The following TSHZ2 variants were observed in gnomAD, a reference collection of about 807,000 sequenced individuals.
TSHZ2 encodes the protein teashirt homolog 2.
TSHZ2 carries 21 observed loss-of-function variants against 74.4 expected under a neutral mutation model. The observed-to-expected ratio is 0.28, with a 90% CI of 0.20 to 0.41. The LOEUF (loss-of-function observed/expected upper bound fraction) is 0.41, where lower values mean the gene tolerates loss of function less well. Among genes scored for constraint, TSHZ2 ranks in the 10% least tolerant of loss-of-function variants. The pLI, the probability that TSHZ2 is intolerant of heterozygous loss-of-function variation, is 1.00. For synonymous variants in TSHZ2, 540 were observed against 515.3 expected (o/e 1.05, Z -0.65); for missense variants, 1,244 against 1,293.5 (o/e 0.96, Z 0.59).
At chr20:53,130,665 G>C (rs988774243) in intron 1 of TSHZ2, among the ~76,000 whole-genome samples, 1 of 152,050 alleles carries the variant, frequency 6.6e-6, no homozygotes, top group Non-Finnish European at 1.5e-5. Flanking sequence ...AAAGTAACAG[G>C]GTCGACTGAT....
chr20:53,188,750 A>G (rs1988662614), intron 1 of TSHZ2, among the ~76,000 whole-genome samples: 1 of 152,242 alleles, frequency 6.6e-6, no homozygotes, highest in African/African-American at 2.4e-5. Flanking sequence ...AATTCAGTAT[A>G]CCTATGAACC....
chr20:53,452,620 C>G (rs1364452501), intron 2 of TSHZ2, among the ~76,000 whole-genome samples: 1 of 146,396 alleles, frequency 6.8e-6, no homozygotes, highest in South Asian at 2.2e-4. Context: ...AAAAAAGGAA[C>G]TAGAACAAAT....
intron 1 of TSHZ2, among the ~76,000 whole-genome samples, chr20:53,026,864 G>A (rs376511189): frequency 2.4e-3 from 362 of 152,200 alleles, no homozygotes; most frequent in Non-Finnish European, 4.1e-3. Context: ...CAGGCTGGGC[G>A]TAGTGGCTCA....
chr20:53,488,459 G>T lies in TSHZ2; in HGVS notation c.*1324G>T, dbSNP rs924512079. 2 of 154,956 alleles carry T rather than the reference G, an allele frequency of 1.3e-5. No individual in the cohort carries two copies. The highest frequency in any genetic ancestry group is 4.8e-5 in the African/African-American group (2 of 41,464). The allele number at this position is 154,956 out of a possible 1,614,324, so 9.6% of individuals were successfully genotyped here. On this transcript the variant is annotated 3_prime_UTR_variant, in exon 3 of 3. Transcript: ENST00000371497. The stretch of plus-strand genomic sequence containing the variant: ...CATACCTAGTGCACAGTTTGGAGAC[G>T]CAAGGATAGATCTGTTTACTCTAGT...
intron 1 of TSHZ2, among the ~76,000 whole-genome samples, chr20:52,977,817 C>T (rs1487123662): frequency 7.2e-5 from 11 of 152,196 alleles, no homozygotes; most frequent in Non-Finnish European, 1.2e-4. Flanking sequence ...AGTGGAAACT[C>T]TGTAAGGGAG....
At position 53,074,997 on chromosome 20, in the gene TSHZ2, G is replaced by A. The variant is rs1056092604; in HGVS notation, c.40+101664G>A. ...CTTTTGTCGCTGACGTTTCCTCCAT[G>A]TGGAAAGCTTTGAAAGTGCTCCAGT... On this transcript the variant is annotated intron_variant, in intron 1 of 2. Coordinates refer to ENST00000371497, the MANE Select transcript of TSHZ2 (RefSeq NM_173485.6). This position sits in a 1 kb window ranked among gnomAD's most constrained non-coding sequence, Gnocchi z 5.9. 1.3e-5 allele frequency among the ~76,000 whole-genome samples: 2 copies of A among 152,180 alleles called. No homozygotes were observed. Among genetic ancestry groups the A allele is most frequent in the African/African-American group, 4.8e-5 (2 of 41,444 alleles).
chr20:53,269,554 T>A (rs561138924), intron 2 of TSHZ2, among the ~76,000 whole-genome samples: 37 of 152,272 alleles, frequency 2.4e-4, no homozygotes, highest in Non-Finnish European at 5.3e-4. Flanking sequence ...GTGATGATGA[T>A]GGTGATGATC....
chr20:53,397,127 G>A (rs991265659), intron 2 of TSHZ2, among the ~76,000 whole-genome samples: 4 of 152,122 alleles, frequency 2.6e-5, no homozygotes, highest in African/African-American at 9.7e-5. Context: ...TGACAAATGG[G>A]ATCTAATTAA....
At chr20:53,149,679 G>C (rs1379117710) in intron 1 of TSHZ2, among the ~76,000 whole-genome samples, 1 of 152,204 alleles carries the variant, frequency 6.6e-6, no homozygotes, top group Non-Finnish European at 1.5e-5. Flanking sequence ...CATGGAGACA[G>C]ACTTGGTACT....
chr20:53,308,465 C>T (rs1978641958), intron 2 of TSHZ2, among the ~76,000 whole-genome samples: 1 of 151,984 alleles, frequency 6.6e-6, no homozygotes, highest in Non-Finnish European at 1.5e-5. Context: ...TGTACACGTG[C>T]AGCCGGAAAA....
chr20:53,167,020 GA>G (rs1451292595), intron 1 of TSHZ2, among the ~76,000 whole-genome samples: 1 of 152,226 alleles, frequency 6.6e-6, no homozygotes, highest in Non-Finnish European at 1.5e-5. Flanking sequence ...GCTGTGACCA[GA>G]AGGCTGAGTA....
intron 2 of TSHZ2, among the ~76,000 whole-genome samples, chr20:53,303,404 A>G (rs1978388092): frequency 6.6e-6 from 1 of 152,230 alleles, no homozygotes; most frequent in Non-Finnish European, 1.5e-5. Flanking sequence ...ATTTAGACAC[A>G]TTGAGATATT....
At chr20:52,998,997 C>T (rs1982309978) in intron 1 of TSHZ2, among the ~76,000 whole-genome samples, 1 of 152,160 alleles carries the variant, frequency 6.6e-6, no homozygotes, top group Non-Finnish European at 1.5e-5. Context: ...CCACTTAATC[C>T]TCACAACATT....
rs1990416766 is a variant in TSHZ2, at chr20:53,254,471, G to T, written c.1013G>T (p.Gly338Val). ...NRPCSPDSTT[G>V]SFADSFSSQK... ...CCGTGTTCCCCCGATTCAACCACAGGATCTTTTGCAGATTCTTTTTCTTCT... is the reference window on the plus strand; with the variant it reads ...CCGTGTTCCCCCGATTCAACCACAGTATCTTTTGCAGATTCTTTTTCTTCT... The change falls in exon 2 of 3, where the codon GGA (glycine) becomes GTA (valine). Residue 338 changes from glycine to valine, a missense_variant. Gly to Val is a moderately radical substitution (Grantham distance 109, BLOSUM62 -3). Transcript: ENST00000371497. 8 of 1,613,924 alleles carry T rather than the reference G, an allele frequency of 5.0e-6. No individual in the cohort carries two copies. The highest frequency in any genetic ancestry group is 2.7e-5 in the African/African-American group (2 of 74,926).
At chr20:53,220,457 TTTTG>T (rs1305022040) in intron 1 of TSHZ2, among the ~76,000 whole-genome samples, 4 of 152,216 alleles carry the variant, frequency 2.6e-5, no homozygotes, top group Non-Finnish European at 5.9e-5. Flanking sequence ...GGGCCAGTTT[TTTTG>T]TTTGTTTGTG....
chr20:53,438,187 G>A (rs987835177), intron 2 of TSHZ2, among the ~76,000 whole-genome samples: 9 of 145,226 alleles, frequency 6.2e-5, no homozygotes, highest in Non-Finnish European at 1.2e-4. Flanking sequence ...TCGGCTCATT[G>A]CAACCTCTGC....
At chr20:52,983,721 A>C (rs914807010) in intron 1 of TSHZ2, among the ~76,000 whole-genome samples, 11 of 152,236 alleles carry the variant, frequency 7.2e-5, no homozygotes, top group Non-Finnish European at 2.9e-5. Flanking sequence ...CCTTCGACTG[A>C]AGAGCAGTGA....
chr20:53,376,197 CAGAA>C (rs1981651664), intron 2 of TSHZ2, among the ~76,000 whole-genome samples: 1 of 152,190 alleles, frequency 6.6e-6, no homozygotes, highest in Non-Finnish European at 1.5e-5. Context: ...GCTTGAAGAA[CAGAA>C]AGAAATTTGT....
intron 1 of TSHZ2, among the ~76,000 whole-genome samples, chr20:53,134,349 G>T (rs1379758353): frequency 6.6e-6 from 1 of 152,202 alleles, no homozygotes; most frequent in Non-Finnish European, 1.5e-5. Flanking sequence ...AGCAAACTGT[G>T]TTGAGATATT....
Sources: gnomAD v4.1 joint callset for allele counts (sites outside exome capture counted in the v4.1 genomes callset) on GRCh38, gnomAD v4.1.1 for gene constraint, Gnocchi (gnomAD v3.1) non-coding constraint, MANE v1.5 for transcripts, NCBI Gene and HGNC (gene_info 2026-07-23, HGNC 2026-07-21) for gene names.